BCKDHB: variants seen among roughly 807,000 people sequenced by gnomAD.
BCKDHB encodes 2-oxoisovalerate dehydrogenase subunit beta, mitochondrial.
BCKDHB carries 41 observed loss-of-function variants against 48.5 expected under a neutral mutation model. The ratio of observed to expected loss-of-function variants is 0.85; its 90% CI spans 0.66 to 1.10. The LOEUF is 1.10. Ranked by LOEUF, BCKDHB falls within the 50% of genes least tolerant of loss-of-function variation. The pLI, the probability that BCKDHB is intolerant of heterozygous loss-of-function variation, is 0.00. For missense variants in BCKDHB, 496 were observed against 494.2 expected (o/e 1.00, Z -0.03); for synonymous variants, 201 against 174.8 (o/e 1.15, Z -1.18).
At chr6:80,380,641 C>T in the BCKDHB span, among the ~76,000 whole-genome samples, 1 of 151,928 alleles carries the variant, frequency 6.6e-6, no homozygotes, top group African/African-American at 2.4e-5. Context: ...ACAGAATAAT[C>T]AGACAACCCA....
intron 8 of BCKDHB, among the ~76,000 whole-genome samples, chr6:80,221,096 A>G (rs1352846677): frequency 6.6e-6 from 1 of 152,058 alleles, no homozygotes; most frequent in African/African-American, 2.4e-5. Context: ...AAGTGGAGCA[A>G]TTGATACAAC....
chr6:80,232,386 A>G (rs1027082258), intron 8 of BCKDHB, among the ~76,000 whole-genome samples: 4 of 152,052 alleles, frequency 2.6e-5, no homozygotes, highest in African/African-American at 9.7e-5. Flanking sequence ...ATTCTTTACA[A>G]TTAATAAACT....
At chr6:80,165,015 T>G (rs1305326790) in intron 3 of BCKDHB, among the ~76,000 whole-genome samples, 1 of 152,206 alleles carries the variant, frequency 6.6e-6, no homozygotes, top group East Asian at 1.9e-4. Context: ...AACTATTTCC[T>G]CAAATCAAAC....
chr6:80,243,336 G>A (rs2127918349), intron 8 of BCKDHB, among the ~76,000 whole-genome samples: 1 of 152,296 alleles, frequency 6.6e-6, no homozygotes, highest in African/African-American at 2.4e-5. Flanking sequence ...GAAGAGGGAA[G>A]GAGTGGGGAG....
intron 1 of BCKDHB, among the ~76,000 whole-genome samples, chr6:80,126,422 G>A (rs540263944): frequency 2.0e-5 from 3 of 152,294 alleles, no homozygotes; most frequent in South Asian, 4.1e-4. Flanking sequence ...TGGTCAGACA[G>A]TTGAAGGCAA....
chr6:80,241,987 C>T (rs1462671993), intron 8 of BCKDHB, among the ~76,000 whole-genome samples: 1 of 152,032 alleles, frequency 6.6e-6, no homozygotes, highest in Non-Finnish European at 1.5e-5. Context: ...TGCAAGTATC[C>T]TTTCTCAGTC....
chr6:80,107,518 T>TATATATGC (rs1554181350), intron 1 of BCKDHB, among the ~76,000 whole-genome samples: 7 of 121,672 alleles, frequency 5.8e-5, no homozygotes, highest in African/African-American at 2.0e-4. Context: ...TGTGCGCATA[T>TATATATGC]ATATATATAT....
chr6:80,411,823 C>A, the BCKDHB span, among the ~76,000 whole-genome samples: 1 of 152,174 alleles, frequency 6.6e-6, no homozygotes, highest in South Asian at 2.1e-4. Context: ...CATTGAAAAG[C>A]GCAGTGTTTA....
the BCKDHB span, among the ~76,000 whole-genome samples, chr6:80,409,681 C>G: frequency 7.4e-6 from 1 of 134,634 alleles, no homozygotes; most frequent in African/African-American, 2.7e-5. Context: ...TATGTAATGG[C>G]CTTCTTTGTC....
chr6:80,125,906 A>G (rs1469469472), intron 1 of BCKDHB, among the ~76,000 whole-genome samples: 1 of 152,188 alleles, frequency 6.6e-6, no homozygotes, highest in Non-Finnish European at 1.5e-5. Context: ...ATGCTGATAG[A>G]CTTGCTAGAT....
At chr6:80,409,045 T>C in the BCKDHB span, among the ~76,000 whole-genome samples, 1 of 152,202 alleles carries the variant, frequency 6.6e-6, no homozygotes, top group Admixed American at 6.5e-5. Context: ...GTGCTTTAAA[T>C]GTGTCCCAGA....
intron 8 of BCKDHB, among the ~76,000 whole-genome samples, chr6:80,222,850 A>G (rs1395456351): frequency 6.6e-6 from 1 of 152,182 alleles, no homozygotes; most frequent in East Asian, 1.9e-4. Context: ...CATTTAGTCT[A>G]TAAGAGTGGC....
At chr6:80,197,195 C>T (rs1462923943) in intron 6 of BCKDHB, among the ~76,000 whole-genome samples, 1 of 152,128 alleles carries the variant, frequency 6.6e-6, no homozygotes, top group Admixed American at 6.6e-5. Context: ...ACAAAGCTAA[C>T]TTGGAATAAT....
At chr6:80,233,189 T>C (rs1776006728) in intron 8 of BCKDHB, among the ~76,000 whole-genome samples, 1 of 152,088 alleles carries the variant, frequency 6.6e-6, no homozygotes, top group Admixed American at 6.6e-5. Context: ...CTCATTAACA[T>C]AGTAAGCCTA....
chr6:80,303,848 A>G (rs1162469345), intron 9 of BCKDHB, among the ~76,000 whole-genome samples: 1 of 152,066 alleles, frequency 6.6e-6, no homozygotes, highest in African/African-American at 2.4e-5. Context: ...GTTACCTTAA[A>G]TGAGTCATTT....
intron 8 of BCKDHB, among the ~76,000 whole-genome samples, chr6:80,210,820 C>G (rs576961655): frequency 2.0e-5 from 3 of 152,232 alleles, no homozygotes. Flanking sequence ...TGTTCTCTCT[C>G]AAGCCTTCCC....
At chr6:80,195,417 A>T (rs2127813011) in intron 6 of BCKDHB, among the ~76,000 whole-genome samples, 1 of 152,310 alleles carries the variant, frequency 6.6e-6, no homozygotes, top group Non-Finnish European at 1.5e-5. Flanking sequence ...TATAGAAGTG[A>T]AAATTGTCAA....
intron 3 of BCKDHB, among the ~76,000 whole-genome samples, chr6:80,158,015 A>G (rs1772134843): frequency 6.6e-6 from 1 of 152,160 alleles, no homozygotes; most frequent in Admixed American, 6.5e-5. Context: ...GTTCATTCAA[A>G]CGATATTACT....
Position 80,344,243 on chromosome 6 carries a change from G to A in BCKDHB, c.*439G>A. On this transcript the variant is annotated 3_prime_UTR_variant, in exon 10 of 10. Coordinates refer to ENST00000320393, the MANE Select transcript of BCKDHB (RefSeq NM_183050.4). ...TGATTTCAAATTCCTGACCTCAAGT[G>A]ATCCACCTGCCTTAGCCTCCCAAAG... 1 of 248,684 alleles carries A rather than the reference G, an allele frequency of 4.0e-6. No homozygotes were observed. The highest frequency in any genetic ancestry group is 7.9e-6 in the Non-Finnish European group (1 of 126,560). 15.4% of individuals were successfully genotyped at this position (248,684 alleles called of 1,614,324 possible). A position where few individuals can be genotyped will look rare whatever the true frequency, so the allele number is the denominator to read the frequency against.
Sources: allele counts gnomAD v4.1 joint callset (sites outside exome capture counted in the v4.1 genomes callset), GRCh38; gene constraint gnomAD v4.1.1; transcripts MANE v1.5; gene names NCBI Gene and HGNC (gene_info 2026-07-23, HGNC 2026-07-21).